The following OSTF1 variants were observed in gnomAD, a reference collection of about 807,000 sequenced individuals.
OSTF1 encodes osteoclast stimulating factor 1, also known as osteoclast-stimulating factor 1.
A neutral mutation model predicts 37.2 loss-of-function variants in OSTF1; 27 were observed. The observed-to-expected ratio is 0.73, with a 90% CI of 0.54 to 1.00. OSTF1 has a LOEUF of 1.00. Ranked by LOEUF, OSTF1 falls within the 50% of genes least tolerant of loss-of-function variation. The pLI is 0.00. For synonymous variants in OSTF1, 82 were observed against 89.2 expected (o/e 0.92, Z 0.46); for missense variants, 232 against 253.8 (o/e 0.91, Z 0.58).
At chr9:75,092,062 C>T (rs1328207692) in intron 1 of OSTF1, among the ~76,000 whole-genome samples, 1 of 152,194 alleles carries the variant, frequency 6.6e-6, no homozygotes, top group East Asian at 1.9e-4. Flanking sequence ...GGCAAAACAG[C>T]ATGGCTCAAT....
chr9:75,103,617 C>T (rs1286948282), intron 1 of OSTF1, among the ~76,000 whole-genome samples: 2 of 152,088 alleles, frequency 1.3e-5, no homozygotes, highest in African/African-American at 2.4e-5. Context: ...ACACGATAAA[C>T]TCTTATTTTT....
chr9:75,146,651 T>A (rs1275235740), intron 9 of OSTF1, 32 bp from the exon 10 acceptor site: 1 of 1,495,934 alleles, frequency 6.7e-7, no homozygotes, highest in Non-Finnish European at 9.3e-7. Context: ...ATAATTTCCC[T>A]ATTTTGCTTT....
intron 3 of OSTF1, among the ~76,000 whole-genome samples, chr9:75,129,384 GGT>G (rs1314467761): frequency 6.6e-6 from 1 of 152,072 alleles, no homozygotes; most frequent in Non-Finnish European, 1.5e-5. Flanking sequence ...TGTTTAAAGA[GGT>G]ATTCAGGTTA....
chr9:75,101,691 G>C (rs1825196304), intron 1 of OSTF1, among the ~76,000 whole-genome samples: 1 of 152,094 alleles, frequency 6.6e-6, no homozygotes, highest in Non-Finnish European at 1.5e-5. Flanking sequence ...TATTTTACCA[G>C]AGTTCTAATA....
At chr9:75,102,574 CCTCTAGCATCCG>C (rs1318672089) in intron 1 of OSTF1, among the ~76,000 whole-genome samples, 1 of 152,092 alleles carries the variant, frequency 6.6e-6, no homozygotes, top group African/African-American at 2.4e-5. Flanking sequence ...AGTTTGAAAA[CCTCTAGCATCCG>C]CTCATGCCCC....
intron 1 of OSTF1, among the ~76,000 whole-genome samples, chr9:75,113,512 A>G (rs1369761028): frequency 6.7e-6 from 1 of 150,230 alleles, no homozygotes; most frequent in Non-Finnish European, 1.5e-5. Context: ...GCAGTGGTGC[A>G]ATCTTGGCTC....
At chr9:75,133,837 T>C (rs1347476811) in intron 6 of OSTF1, among the ~76,000 whole-genome samples, 11 of 152,218 alleles carry the variant, frequency 7.2e-5, no homozygotes, top group Admixed American at 7.2e-4. Flanking sequence ...GTGATTCCAT[T>C]GATACTTTTT....
At chr9:75,088,961 T>C (rs1005331941) in intron 1 of OSTF1, among the ~76,000 whole-genome samples, 1 of 151,802 alleles carries the variant, frequency 6.6e-6, no homozygotes, top group Non-Finnish European at 1.5e-5. Context: ...TAAAGGGGAG[T>C]AGCCCTCACT....
intron 6 of OSTF1, among the ~76,000 whole-genome samples, chr9:75,133,661 A>G (rs1287299878): frequency 6.6e-6 from 1 of 152,228 alleles, no homozygotes; most frequent in East Asian, 1.9e-4. Flanking sequence ...AGGTTACTGG[A>G]AAACAGCAGT....
intron 9 of OSTF1, among the ~76,000 whole-genome samples, chr9:75,141,312 CAAAAAAAAAAAAAAAA>C (rs529293090): frequency 2.8e-5 from 2 of 71,680 alleles, no homozygotes; most frequent in African/African-American, 1.1e-4. Context: ...AAAAGAAAAC[CAAAAAAAAAAAAAAAA>C]AAAAAAAAAA....
intron 2 of OSTF1, among the ~76,000 whole-genome samples, chr9:75,121,841 G>A (rs1825585417): frequency 1.3e-5 from 2 of 152,122 alleles, no homozygotes; most frequent in South Asian, 4.1e-4. Context: ...AAAGGCTGAG[G>A]TGGGCTCTGA....
intron 9 of OSTF1, among the ~76,000 whole-genome samples, chr9:75,142,633 T>C (rs1450059602): frequency 1.3e-5 from 2 of 152,126 alleles, no homozygotes; most frequent in Non-Finnish European, 2.9e-5. Flanking sequence ...AGAACAGGGC[T>C]GGGAGGCAGG....
At chr9:75,132,441 T>G (rs1377378514) in intron 5 of OSTF1, among the ~76,000 whole-genome samples, 2 of 152,170 alleles carry the variant, frequency 1.3e-5, no homozygotes, top group African/African-American at 4.8e-5. Context: ...TGGCAATATC[T>G]GGAGACATGT....
intron 1 of OSTF1, among the ~76,000 whole-genome samples, chr9:75,106,189 G>T (rs1469453157): frequency 7.9e-5 from 12 of 152,084 alleles, no homozygotes. Flanking sequence ...TTTCTTTAAA[G>T]GTATATGTGC....
At chr9:75,142,927 T>A (rs1825965378) in intron 9 of OSTF1, among the ~76,000 whole-genome samples, 1 of 150,548 alleles carries the variant, frequency 6.6e-6, no homozygotes, top group African/African-American at 2.4e-5. Context: ...AGGTATATTC[T>A]GATATTGTTG....
intron 7 of OSTF1, among the ~76,000 whole-genome samples, chr9:75,136,371 A>G (rs1332926354): frequency 6.6e-6 from 1 of 152,018 alleles, no homozygotes; most frequent in East Asian, 1.9e-4. Flanking sequence ...TTCCACGAAC[A>G]CTTGGTGTCA....
intron 1 of OSTF1, among the ~76,000 whole-genome samples, chr9:75,108,848 G>A (rs1430134742): frequency 1.3e-5 from 2 of 152,174 alleles, no homozygotes; most frequent in East Asian, 1.9e-4. Flanking sequence ...TACAGACCTT[G>A]TTTTAGAGAG....
chr9:75,142,690 A>T (rs1385874370), intron 9 of OSTF1, among the ~76,000 whole-genome samples: 1 of 152,106 alleles, frequency 6.6e-6, no homozygotes, highest in Admixed American at 6.5e-5. Flanking sequence ...TACCTTCCTG[A>T]ATTTGAACTG....
At chr9:75,118,934 A>G (rs1049134211) in intron 2 of OSTF1, among the ~76,000 whole-genome samples, 1 of 152,162 alleles carries the variant, frequency 6.6e-6, no homozygotes. Context: ...GAAACCTGCT[A>G]TCATTGACTT....
Sources: allele counts gnomAD v4.1 joint callset (sites outside exome capture counted in the v4.1 genomes callset), GRCh38; gene constraint gnomAD v4.1.1; transcripts MANE v1.5; gene names NCBI Gene and HGNC (gene_info 2026-07-23, HGNC 2026-07-21).